The following EYS variants were observed in gnomAD, a reference collection of about 807,000 sequenced individuals.
The protein encoded by EYS is EGF-like photoreceptor maintenance factor.
In EYS, 250 loss-of-function variants were observed where a neutral mutation model predicts 282.1. The observed-to-expected ratio is 0.89, with a 90% CI of 0.80 to 0.98. The LOEUF is 0.98. EYS is among the 50% of genes least tolerant of loss of function. EYS has a pLI of 0.00. For missense variants in EYS, 4,016 were observed against 3,709.0 expected (o/e 1.08, Z -2.15); for synonymous variants, 1,355 against 1,282.9 (o/e 1.06, Z -1.20).
At chr6:64,788,634 C>T (rs1231068720) in intron 22 of EYS, among the ~76,000 whole-genome samples, 2 of 152,152 alleles carry the variant, frequency 1.3e-5, no homozygotes, top group Admixed American at 6.6e-5. Flanking sequence ...TCAGCTCCAT[C>T]CACACAACCT....
At chr6:64,351,846 T>C (rs548925638) in intron 29 of EYS, among the ~76,000 whole-genome samples, 6 of 151,702 alleles carry the variant, frequency 4.0e-5, no homozygotes, top group Admixed American at 6.6e-5. Flanking sequence ...AATAATACCA[T>C]GTATGTATAA....
intron 12 of EYS, among the ~76,000 whole-genome samples, chr6:65,179,793 T>A (rs1462075688): frequency 6.6e-6 from 1 of 152,008 alleles, no homozygotes; most frequent in Non-Finnish European, 1.5e-5. Context: ...TGAACATTGA[T>A]GCAAAAATCC....
Position 63,726,501 on chromosome 6 carries a change from A to G in EYS, c.8233+18T>C, listed in dbSNP as rs1052621803. On this transcript the variant is annotated intron_variant, in intron 42 of 42. Coordinates refer to ENST00000503581, the MANE Select transcript of EYS (RefSeq NM_001142800.2). ...TATTAGGAATTCATTCTGCAAACAA[A>G]CAGCCTGCCAATCTTACCTGATTGG... The G allele has an allele frequency of 3.2e-6, 5 of 1,542,554 alleles. No individual in the cohort carries two copies. The highest frequency in any genetic ancestry group is 4.4e-6 in the Non-Finnish European group (5 of 1,142,806).
chr6:65,435,114 T>A (rs1041274949), intron 5 of EYS, among the ~76,000 whole-genome samples: 9 of 151,714 alleles, frequency 5.9e-5, no homozygotes, highest in African/African-American at 1.9e-4. Flanking sequence ...AGAAAAAAAA[T>A]TGAAAGACAA....
chr6:65,460,515 T>C (rs774088209), intron 5 of EYS, among the ~76,000 whole-genome samples: 9 of 152,030 alleles, frequency 5.9e-5, no homozygotes, highest in Non-Finnish European at 1.3e-4. Context: ...ATTTGGACCT[T>C]ATGACCAGGC....
At chr6:65,635,530 T>A (rs1410765176) in intron 2 of EYS, among the ~76,000 whole-genome samples, 1 of 152,170 alleles carries the variant, frequency 6.6e-6, no homozygotes, top group African/African-American at 2.4e-5. Flanking sequence ...CCCAGGCTTG[T>A]ATCAAACTCC....
chr6:64,932,082 G>A (rs562514611), intron 15 of EYS, among the ~76,000 whole-genome samples: 8 of 151,956 alleles, frequency 5.3e-5, no homozygotes, highest in South Asian at 4.1e-4. Context: ...AACAATCTCC[G>A]TGTTTATTCA....
chr6:63,827,640 C>T (rs1180367477), intron 36 of EYS, among the ~76,000 whole-genome samples: 2 of 151,970 alleles, frequency 1.3e-5, no homozygotes, highest in African/African-American at 4.8e-5. Context: ...GTCAGGAGAT[C>T]TAGACCATCC....
At chr6:65,415,789 C>T (rs910247891) in intron 5 of EYS, among the ~76,000 whole-genome samples, 20 of 151,908 alleles carry the variant, frequency 1.3e-4, no homozygotes, top group Non-Finnish European at 2.4e-4. Context: ...AAGGAAGAGA[C>T]GTAATAAATG....
At chr6:65,618,182 G>A (rs1201883947) in intron 2 of EYS, among the ~76,000 whole-genome samples, 1 of 152,144 alleles carries the variant, frequency 6.6e-6, no homozygotes, top group Non-Finnish European at 1.5e-5. Context: ...GTGTAAAAGT[G>A]TTCCTATTTC....
chr6:65,020,697 C>T (rs1772224886), intron 13 of EYS, among the ~76,000 whole-genome samples: 1 of 152,184 alleles, frequency 6.6e-6, no homozygotes, highest in Non-Finnish European at 1.5e-5. Context: ...TCCAACCCCA[C>T]ATTTCCCTAC....
At chr6:64,509,324 C>T (rs1455089720) in intron 26 of EYS, among the ~76,000 whole-genome samples, 1 of 152,086 alleles carries the variant, frequency 6.6e-6, no homozygotes, top group Non-Finnish European at 1.5e-5. Flanking sequence ...GTCTGCCTGA[C>T]AGTGTAGTAG....
intron 19 of EYS, among the ~76,000 whole-genome samples, chr6:64,878,164 G>T (rs1050476893): frequency 3.9e-5 from 6 of 152,094 alleles, no homozygotes; most frequent in African/African-American, 1.4e-4. Context: ...GGTGGAGGTT[G>T]CAGTGAGCAG....
At chr6:64,649,083 T>G (rs886826230) in intron 22 of EYS, among the ~76,000 whole-genome samples, 2 of 152,100 alleles carry the variant, frequency 1.3e-5, no homozygotes, top group African/African-American at 4.8e-5. Context: ...GATCTAACAG[T>G]TAAGAATTGA....
At chr6:65,266,989 T>TATATATATAGAGAG (rs144200033) in intron 12 of EYS, among the ~76,000 whole-genome samples, 2 of 142,130 alleles carry the variant, frequency 1.4e-5, no homozygotes, top group African/African-American at 5.3e-5. Flanking sequence ...TATATATATA[T>TATATATATAGAGAG]AGAGAGAGAG....
At chr6:64,221,771 C>A (rs1188664950) in intron 31 of EYS, among the ~76,000 whole-genome samples, 2 of 151,972 alleles carry the variant, frequency 1.3e-5, no homozygotes, top group African/African-American at 2.4e-5. Context: ...TGAAAAATTC[C>A]TTTGTCCATT....
At chr6:64,265,238 G>A (rs1484488758) in intron 30 of EYS, among the ~76,000 whole-genome samples, 1 of 152,046 alleles carries the variant, frequency 6.6e-6, no homozygotes, top group Non-Finnish European at 1.5e-5. Context: ...TTTTGTAGAA[G>A]AATTATTTCT....
intron 22 of EYS, among the ~76,000 whole-genome samples, chr6:64,665,891 C>T (rs1195093179): frequency 6.6e-6 from 1 of 151,226 alleles, no homozygotes; most frequent in Non-Finnish European, 1.5e-5. Flanking sequence ...GTTTTCCCTT[C>T]ATCATCAACA....
At chr6:64,950,818 T>TACATAC (rs1227506064) in intron 14 of EYS, among the ~76,000 whole-genome samples, 1 of 113,666 alleles carries the variant, frequency 8.8e-6, no homozygotes, top group Non-Finnish European at 1.9e-5. Context: ...TATATATATA[T>TACATAC]ATATATATAT....
Sources: allele counts gnomAD v4.1 joint callset (sites outside exome capture counted in the v4.1 genomes callset), GRCh38; gene constraint gnomAD v4.1.1; transcripts MANE v1.5; gene names NCBI Gene and HGNC (gene_info 2026-07-23, HGNC 2026-07-21).